The following FAM200A variants were observed in gnomAD, a reference collection of about 807,000 sequenced individuals.
FAM200A encodes ZBED8 like, also known as protein FAM200A.
A neutral mutation model predicts 44.2 loss-of-function variants in FAM200A; 26 were observed. That is an observed-to-expected ratio of 0.59 (90% CI 0.43 to 0.82). The LOEUF is 0.82. Ranked by LOEUF, FAM200A falls within the 40% of genes least tolerant of loss-of-function variation. The pLI is 0.00. For synonymous variants in FAM200A, 206 were observed against 244.4 expected, an observed-to-expected ratio of 0.84 and a Z score of 1.47; for missense variants, 606 against 669.5, an observed-to-expected ratio of 0.91 and a Z score of 1.05.
At chr7:99,553,089 ATATATATATATTTT>A (rs1483729068), upstream of FAM200A, among the ~76,000 whole-genome samples, 110 of 100,278 alleles carry the variant, frequency 1.1e-3, no homozygotes, top group African/African-American at 5.5e-3. Flanking sequence ...ATATATATAT[ATATATATATATTTT>A]TTTTTTTTTT....
In FAM200A at chr7:99,546,613, G is replaced by A. The variant is rs932228583; in HGVS notation, c.*73C>T. ...TGAACTCAAGTGATCTGCCCACCTC[G>A]GTCTCCCACTGCTGGGATTACAGGC... On this transcript the variant is annotated 3_prime_UTR_variant, in exon 2 of 2. Coordinates refer to ENST00000449309, the MANE Select transcript of FAM200A (RefSeq NM_145111.4). 2.5e-5 allele frequency: 36 copies of A among 1,412,864 alleles called. No individual in the cohort carries two copies. The highest frequency in any genetic ancestry group is 1.3e-4 in the African/African-American group (9 of 67,448). 87.5% of individuals were successfully genotyped at this position (1,412,864 alleles called of 1,614,324 possible). A position where few individuals can be genotyped will look rare whatever the true frequency, so the allele number is the denominator to read the frequency against.
In FAM200A at chr7:99,547,889, T is replaced by TA. The variant is rs1186157720; in HGVS notation, c.518dup (p.Leu173PhefsTer18). 2.6e-6 allele frequency: 4 copies of TA among 1,551,264 alleles called. No homozygotes were observed. In the South Asian group the frequency reaches 4.8e-5, roughly 18 times the overall value. The stretch of plus-strand genomic sequence containing the variant: ...TATGTGAATTTAAATTTAAACAACA[T>TA]AAGAGATCCTCTACAAAATCATCTT... On this transcript the variant is annotated frameshift_variant, in exon 2 of 2. Coordinates refer to ENST00000449309, the MANE Select transcript of FAM200A (RefSeq NM_145111.4). LOFTEE classifies it high-confidence loss of function.
chr7:99,547,738 G>C lies in FAM200A; in HGVS notation c.670C>G (p.Leu224Val). The stretch of plus-strand genomic sequence containing the variant: ...GTTGCTTCTAACAATTTTTCAGTAA[G>C]TCTGCTGTGTTTTCCGGTCATATTT... Reference protein sequence around the residue: ...TANMTGKHSRLTEKLLEATHN... With the variant: ...TANMTGKHSRVTEKLLEATHN... Residue 224 changes from leucine to valine, a missense_variant, in exon 2 of 2, where the codon CTT becomes GTT. Physicochemically the swap from Leu to Val is conservative, Grantham distance 32 (BLOSUM62 1). Coordinates refer to ENST00000449309, the MANE Select transcript of FAM200A (RefSeq NM_145111.4). 6.4e-7 allele frequency: 1 copy of C among 1,551,586 alleles called. No homozygotes were observed. Among genetic ancestry groups the C allele is most frequent in the South Asian group, 1.2e-5 (1 of 84,044 alleles).
At chr7:99,553,028 CAT>C (rs2151131917), upstream of FAM200A, among the ~76,000 whole-genome samples, 1 of 112,990 alleles carries the variant, frequency 8.9e-6, no homozygotes, top group South Asian at 2.8e-4. Flanking sequence ...CATATATATA[CAT>C]GTATATATAT....
Position 99,546,386 on chromosome 7 carries a change from TG to T in FAM200A, c.*299del. The T allele has an allele frequency of 3.8e-6, 1 of 259,930 alleles. No individual in the cohort carries two copies. Among genetic ancestry groups the T allele is most frequent in the Non-Finnish European group, 7.1e-6 (1 of 140,174 alleles). 16.1% of individuals were successfully genotyped at this position (259,930 alleles called of 1,614,324 possible). Reference sequence around the variant, plus strand: ...AAGTACAAATACAATTTTTTTTTTTTGAGATGAAGTCTCACGCTGTTGCCCA... The same window carrying T: ...AAGTACAAATACAATTTTTTTTTTTTAGATGAAGTCTCACGCTGTTGCCCA... On this transcript the variant is annotated 3_prime_UTR_variant, in exon 2 of 2. Transcript: ENST00000449309.
upstream of FAM200A, among the ~76,000 whole-genome samples, chr7:99,553,006 C>T (rs1024449042): frequency 1.7e-4 from 23 of 137,342 alleles, no homozygotes; most frequent in Non-Finnish European, 2.4e-4. Flanking sequence ...TATACACACA[C>T]ATATATATAC....
chr7:99,555,131 T>C (rs1802653346), upstream of FAM200A, among the ~76,000 whole-genome samples: 2 of 152,196 alleles, frequency 1.3e-5, no homozygotes, highest in South Asian at 4.1e-4. Context: ...GCATTGCAGA[T>C]GTAATTACTT....
chr7:99,548,309 T>G lies in FAM200A; in HGVS notation c.99A>C (p.Glu33Asp), dbSNP rs757423182. The change falls in exon 2 of 2, where the codon GAA becomes GAC. Residue 33 changes from glutamate to aspartate, a missense_variant. Physicochemically the swap from Glu to Asp is conservative, Grantham distance 45. Transcript: ENST00000449309. ...TGTTTCTTTCCTTTTGAAAATGGTC[T>G]TCTTCATCTTCCTCCTCCACCTTCA... ...VIVKVEEEDE[E>D]DHFQKERNKV... 1.4e-5 allele frequency: 23 copies of G among 1,614,210 alleles called. No homozygotes were observed. The African/African-American group carries it at 2.8e-4, about 20-fold the overall frequency.
At chr7:99,557,748 C>T (rs1175698114) in intron 1 of FAM200A, among the ~76,000 whole-genome samples, 2 of 152,208 alleles carry the variant, frequency 1.3e-5, no homozygotes, top group Non-Finnish European at 1.5e-5. Flanking sequence ...AAATGCCACA[C>T]TTCAGGTTTT....
upstream of FAM200A, among the ~76,000 whole-genome samples, chr7:99,555,267 A>G (rs550521402): frequency 6.6e-6 from 1 of 152,208 alleles, no homozygotes; most frequent in Non-Finnish European, 1.5e-5. Context: ...AAGACTGGGA[A>G]AATGCTTCTT....
Position 99,551,794 on chromosome 7 carries a change from C to T in FAM200A, c.-100+60G>A, listed in dbSNP as rs187965269. On this transcript the variant is annotated intron_variant, in intron 1 of 1. Transcript: ENST00000449309. ...GGGTCCAGAAGGGACACGCAGACCG[C>T]CTCTCTCCAGTCCCAGGGGTGTCTC... 298 of 983,344 alleles carry T rather than the reference C, an allele frequency of 3.0e-4. No homozygotes were observed. In the African/African-American group the frequency reaches 4.7e-3, roughly 15 times the overall value. 60.9% of individuals were successfully genotyped at this position (983,344 alleles called of 1,614,324 possible). A position where few individuals can be genotyped will look rare whatever the true frequency, so the allele number is the denominator to read the frequency against.
At position 99,546,550 on chromosome 7, in the gene FAM200A, G is replaced by A. The variant is rs1802388913; in HGVS notation, c.*136C>T. 3 of 920,234 alleles carry A rather than the reference G, an allele frequency of 3.3e-6. No individual in the cohort carries two copies. The South Asian group carries it at 8.5e-5, about 26-fold the overall frequency. 57.0% of individuals were successfully genotyped at this position (920,234 alleles called of 1,614,324 possible). A position where few individuals can be genotyped will look rare whatever the true frequency, so the allele number is the denominator to read the frequency against. On this transcript the variant is annotated 3_prime_UTR_variant, in exon 2 of 2. Coordinates refer to ENST00000449309, the MANE Select transcript of FAM200A (RefSeq NM_145111.4). ...CGCCTGGCTAAGGTTTCTATTTTTA[G>A]TAGAGATGGGGTTTCACCATGTTGG... is the stretch of plus-strand genomic sequence containing the variant.
chr7:99,548,230 C>G lies in FAM200A; in HGVS notation c.178G>C (p.Ala60Pro), dbSNP rs945848211. 3.7e-6 allele frequency: 6 copies of G among 1,605,242 alleles called. No homozygotes were observed. Among genetic ancestry groups the G allele is most frequent in the Non-Finnish European group, 5.1e-6 (6 of 1,175,326 alleles). Residue 60 changes from alanine (A) to proline (P), a missense_variant, in exon 2 of 2, where the codon GCC (alanine) becomes CCC (proline). Coordinates refer to ENST00000449309, the MANE Select transcript of FAM200A (RefSeq NM_145111.4). ...GCAACTAAATACGATGACAATAAGGCTCTCTCATTCATAGTTGTAGAGCGA... is the reference window on the plus strand; with the variant it reads ...GCAACTAAATACGATGACAATAAGGGTCTCTCATTCATAGTTGTAGAGCGA... ...LSRSTTMNER[A>P]LLSSYLVAYR... is the part of the protein sequence containing the mutation.
intron 1 of FAM200A, chr7:99,558,187 A>ATCC (rs1489038794): frequency 3.3e-5 from 5 of 152,206 alleles, no homozygotes; most frequent in Admixed American, 1.3e-4. Context: ...AGGCCCCGCA[A>ATCC]TCCTCGCCTT....
upstream of FAM200A, among the ~76,000 whole-genome samples, chr7:99,553,042 T>TAC (rs1389470524): frequency 3.8e-5 from 5 of 130,280 alleles, no homozygotes; most frequent in East Asian, 1.1e-3. Context: ...TATATATATA[T>TAC]ACACACACAT....
At chr7:99,549,654 A>G (rs889843809) in intron 1 of FAM200A, among the ~76,000 whole-genome samples, 3 of 152,336 alleles carry the variant, frequency 2.0e-5, no homozygotes, top group African/African-American at 7.2e-5. Flanking sequence ...CAACCCAAAC[A>G]TCCATCAATG....
At chr7:99,553,044 CACACACATATATATAT>C (rs1802579164), upstream of FAM200A, among the ~76,000 whole-genome samples, 2 of 120,662 alleles carry the variant, frequency 1.7e-5, no homozygotes, top group South Asian at 5.3e-4. Flanking sequence ...TATATATATA[CACACACATATATATAT>C]ATACACACAC....
chr7:99,549,448 G>C (rs912550939), intron 1 of FAM200A, among the ~76,000 whole-genome samples: 2 of 152,172 alleles, frequency 1.3e-5, no homozygotes, highest in Non-Finnish European at 2.9e-5. Flanking sequence ...TACGTTGTTG[G>C]TGGGACTGTA....
Position 99,546,947 on chromosome 7 carries a change from CTTTAGTGTGAA to C in FAM200A, c.1450_1460del (p.Phe484GlufsTer4), listed in dbSNP as rs760115820. The C allele has an allele frequency of 8.4e-6, 13 of 1,549,638 alleles. No individual in the cohort carries two copies. Among genetic ancestry groups the C allele is most frequent in the Non-Finnish European group, 7.8e-6 (9 of 1,146,572 alleles). On this transcript the variant is annotated frameshift_variant, in exon 2 of 2. Transcript: ENST00000449309. LOFTEE classifies it high-confidence loss of function. ...ATAAACTTAATATCTTATAATAATT[CTTTAGTGTGAA>C]TGATGAACTGAGCTGCAATAATTCA...
Sources: gnomAD v4.1 joint callset for allele counts (sites outside exome capture counted in the v4.1 genomes callset) on GRCh38, gnomAD v4.1.1 for gene constraint, MANE v1.5 for transcripts, NCBI Gene and HGNC (gene_info 2026-07-23, HGNC 2026-07-21) for gene names.